Variants in PRKCE observed in about 807,000 individuals in gnomAD.
PRKCE encodes protein kinase C epsilon type.
In PRKCE, 16 loss-of-function variants were observed where a neutral mutation model predicts 85.4. The ratio of observed to expected loss-of-function variants is 0.19; its 90% CI spans 0.13 to 0.28. The LOEUF (loss-of-function observed/expected upper bound fraction) is 0.28, where lower values mean the gene tolerates loss of function less well. PRKCE is among the 10% of genes least tolerant of loss of function. The probability of loss-of-function intolerance (pLI) is 1.00; values close to 1 mark genes in which losing one functional copy is unlikely to be tolerated. For synonymous variants in PRKCE, 388 were observed against 371.5 expected (o/e 1.04, Z -0.51); for missense variants, 573 against 975.2 (o/e 0.59, Z 5.49).
intron 1 of PRKCE, among the ~76,000 whole-genome samples, chr2:45,785,148 A>G (rs1471747996): frequency 2.6e-5 from 4 of 152,148 alleles, no homozygotes; most frequent in Non-Finnish European, 5.9e-5. Context: ...AGTGAATCTA[A>G]TTTTCTTAAG....
At chr2:45,966,722 T>G (rs1213727418) in intron 2 of PRKCE, among the ~76,000 whole-genome samples, 1 of 152,088 alleles carries the variant, frequency 6.6e-6, no homozygotes, top group Non-Finnish European at 1.5e-5. Context: ...CTGACAGTTT[T>G]CCCGGTCCTA....
At chr2:45,894,579 G>A (rs1398613776) in intron 2 of PRKCE, among the ~76,000 whole-genome samples, 1 of 151,984 alleles carries the variant, frequency 6.6e-6, no homozygotes, top group African/African-American at 2.4e-5. Context: ...TAGGATGAGG[G>A]TTGGTGATAC....
intron 1 of PRKCE, among the ~76,000 whole-genome samples, chr2:45,807,900 ACATTTCCTG>A: frequency 6.6e-6 from 1 of 151,832 alleles, no homozygotes; most frequent in African/African-American, 2.4e-5. Context: ...TGCTTGACAC[ACATTTCCTG>A]GTCCAGCCAG....
At chr2:45,729,178 G>T (rs1046736236) in intron 1 of PRKCE, among the ~76,000 whole-genome samples, 2 of 152,214 alleles carry the variant, frequency 1.3e-5, no homozygotes, top group Non-Finnish European at 2.9e-5. Context: ...GGACCCGAAG[G>T]AGCTGATACC....
chr2:45,828,332 G>A (rs1043620465), intron 1 of PRKCE, among the ~76,000 whole-genome samples: 6 of 152,180 alleles, frequency 3.9e-5, no homozygotes, highest in Non-Finnish European at 7.3e-5. Flanking sequence ...GCCAGGAGGC[G>A]GAGGTTGCAG....
intron 1 of PRKCE, among the ~76,000 whole-genome samples, chr2:45,717,747 T>C (rs1188840777): frequency 6.6e-6 from 1 of 152,256 alleles, no homozygotes; most frequent in Non-Finnish European, 1.5e-5. Context: ...CCCACTGGTC[T>C]GGCTACTTCC....
At chr2:45,718,447 C>T (rs1322706120) in intron 1 of PRKCE, among the ~76,000 whole-genome samples, 4 of 148,416 alleles carry the variant, frequency 2.7e-5, no homozygotes, top group South Asian at 2.1e-4. Flanking sequence ...CAGGTTCAAG[C>T]GAGTCTCCTG....
intron 1 of PRKCE, among the ~76,000 whole-genome samples, chr2:45,832,339 G>A (rs529150346): frequency 3.5e-5 from 5 of 144,898 alleles, no homozygotes; most frequent in African/African-American, 1.0e-4. Flanking sequence ...TTGAGACAGA[G>A]TCTCACTCTG....
At chr2:46,121,412 G>A (rs1051325024) in intron 11 of PRKCE, among the ~76,000 whole-genome samples, 4 of 152,302 alleles carry the variant, frequency 2.6e-5, no homozygotes, top group African/African-American at 9.6e-5. Flanking sequence ...TGCACACTGA[G>A]AGATGTCCCC....
chr2:45,669,675 G>A (rs1676066266), intron 1 of PRKCE, among the ~76,000 whole-genome samples: 1 of 152,160 alleles, frequency 6.6e-6, no homozygotes. Flanking sequence ...ATAAATTAGC[G>A]GCACCTTTTT....
chr2:45,893,919 TG>T (rs1695933076), intron 2 of PRKCE, among the ~76,000 whole-genome samples: 1 of 152,146 alleles, frequency 6.6e-6, no homozygotes, highest in Non-Finnish European at 1.5e-5. Flanking sequence ...TGGGGCTCTA[TG>T]GCCACAATCC....
rs1327453127 is a variant in PRKCE at position 46,086,488 on chromosome 2, C to T, written c.1592+126C>T. On this transcript the variant is annotated intron_variant, in intron 11 of 14. Transcript: ENST00000306156. ...CCTGCTTTAGATTAGTTGTTTGTTCCAATTTGCTTACAGAAGACTTTTTTG... is the reference window on the plus strand; with the variant it reads ...CCTGCTTTAGATTAGTTGTTTGTTCTAATTTGCTTACAGAAGACTTTTTTG... 1.2e-5 allele frequency: 14 copies of T among 1,191,184 alleles called. No individual in the cohort carries two copies. The East Asian group carries it at 3.0e-4, about 26-fold the overall frequency. The allele number at this position is 1,191,184 out of a possible 1,614,324, so 73.8% of individuals were successfully genotyped here.
At chr2:45,964,208 A>C (rs191473122) in intron 2 of PRKCE, among the ~76,000 whole-genome samples, 134 of 152,328 alleles carry the variant, frequency 8.8e-4, no homozygotes, top group Non-Finnish European at 2.5e-4. Context: ...ATGTTCACCA[A>C]CCAGCACCTG....
intron 1 of PRKCE, among the ~76,000 whole-genome samples, chr2:45,818,276 T>G (rs1260131643): frequency 2.0e-5 from 3 of 152,208 alleles, no homozygotes. Flanking sequence ...AAACAAAAAA[T>G]CAATCTTGTG....
At position 45,882,179 on chromosome 2, in the gene PRKCE, T is replaced by C. The variant is rs578156474; in HGVS notation, c.412+39116T>C. Among the ~76,000 whole-genome samples the C allele has an allele frequency of 7.2e-5, 11 of 152,350 alleles. No individual in the cohort carries two copies. In the South Asian group the frequency reaches 1.7e-3, roughly 23 times the overall value. ...CGATATCATGATGTCATAGCTAATA[T>C]GTGGCGACTGGGTTTCGAGTTTCAG... On this transcript the variant is annotated intron_variant, in intron 2 of 14. Coordinates refer to ENST00000306156, the MANE Select transcript of PRKCE (RefSeq NM_005400.3).
intron 1 of PRKCE, among the ~76,000 whole-genome samples, chr2:45,721,149 G>T (rs748867931): frequency 3.3e-5 from 5 of 152,000 alleles, no homozygotes; most frequent in Admixed American, 3.3e-4. Flanking sequence ...AGGTGCTGTC[G>T]GAAGAGCAGG....
At chr2:46,148,196 A>G (rs760082567) in intron 12 of PRKCE, among the ~76,000 whole-genome samples, 3 of 152,202 alleles carry the variant, frequency 2.0e-5, no homozygotes, top group Non-Finnish European at 2.9e-5. Context: ...TGGTAATAGC[A>G]TCATCAGGGC....
intron 1 of PRKCE, among the ~76,000 whole-genome samples, chr2:45,765,451 T>C (rs1445067525): frequency 6.6e-6 from 1 of 152,178 alleles, no homozygotes; most frequent in Non-Finnish European, 1.5e-5. Context: ...AGAGTAACCA[T>C]CTCCGTTTGG....
At chr2:45,730,263 C>G (rs1681452709) in intron 1 of PRKCE, among the ~76,000 whole-genome samples, 1 of 152,052 alleles carries the variant, frequency 6.6e-6, no homozygotes, top group Non-Finnish European at 1.5e-5. Flanking sequence ...AACAACCCTC[C>G]CATCTCAGCC....
Sources: gnomAD v4.1 joint callset for allele counts (sites outside exome capture counted in the v4.1 genomes callset) on GRCh38, gnomAD v4.1.1 for gene constraint, MANE v1.5 for transcripts, NCBI Gene and HGNC (gene_info 2026-07-23, HGNC 2026-07-21) for gene names.